Variants in EGFL7 observed in about 807,000 individuals in gnomAD.
EGFL7 encodes the protein epidermal growth factor-like protein 7.
EGFL7 carries 48 observed loss-of-function variants against 37.1 expected under a neutral mutation model. The observed-to-expected ratio is 1.29, with a 90% confidence interval of 1.03 to 1.65. The LOEUF is 1.65. Ranked by LOEUF, EGFL7 falls within the 40% of genes most tolerant of loss-of-function variation. The probability of loss-of-function intolerance (pLI) is 0.00; values close to 1 mark genes in which losing one functional copy is unlikely to be tolerated. For missense variants in EGFL7, 384 were observed against 378.9 expected, an observed-to-expected ratio of 1.01 and a Z score of -0.11; for synonymous variants, 180 against 156.8, an observed-to-expected ratio of 1.15 and a Z score of -1.10.
At position 136,668,315 on chromosome 9, in the gene EGFL7, G is replaced by A; in HGVS notation, c.33G>A (p.Trp11Ter). Residue 11 changes from tryptophan to a stop codon, truncating the protein, a stop_gained, in exon 4 of 11, where the codon TGG becomes TGA. Coordinates refer to ENST00000308874, the MANE Select transcript of EGFL7 (RefSeq NM_016215.5). LOFTEE classifies it high-confidence loss of function. MRGSQEVLLM[W>*]LLVLAVGGTE... ...GCTCTCAGGAGGTGCTGCTGATGTG[G>A]CTTCTGGTGTTGGCAGTGGGCGGCA... 6.2e-7 allele frequency: 1 copy of A among 1,608,392 alleles called. No individual in the cohort carries two copies.
rs199868167 is a variant in EGFL7, at chr9:136,672,246, C to T, written c.800-18C>T. 83 of 1,613,282 alleles carry T rather than the reference C, an allele frequency of 5.1e-5. No homozygotes were observed. Among genetic ancestry groups the T allele is most frequent in the African/African-American group, 2.3e-4 (17 of 74,918 alleles). On this transcript the variant is annotated intron_variant, in intron 10 of 10. Transcript: ENST00000308874. Reference sequence around the variant, plus strand: ...GTGGGGAGCAGTGATCTCTGACCTTCGCCTCATCCAACCCTAGGCTCCTGC... The same window carrying T: ...GTGGGGAGCAGTGATCTCTGACCTTTGCCTCATCCAACCCTAGGCTCCTGC...
In EGFL7 at chr9:136,670,242, C is replaced by T. The variant is rs1468997859; in HGVS notation, c.483C>T (p.Cys161=). Residue 161 remains cysteine (C), a synonymous_variant, in exon 8 of 11, where the codon TGC becomes TGT. Coordinates refer to ENST00000308874, the MANE Select transcript of EGFL7 (RefSeq NM_016215.5). ...TCAACACCGCCGGCAGTTACTGGTG[C>T]CAGTGTTGGGAGGGGCACAGCCTGT... ...RCVNTAGSYW[C]QCWEGHSLSA... is the part of the protein sequence containing the mutation. 1.2e-6 allele frequency: 2 copies of T among 1,612,434 alleles called. No homozygotes were observed. The highest frequency in any genetic ancestry group is 2.2e-5 in the East Asian group (1 of 44,888).
upstream of EGFL7, among the ~76,000 whole-genome samples, chr9:136,660,590 C>T (rs906263968): frequency 9.2e-5 from 14 of 152,202 alleles, no homozygotes; most frequent in South Asian, 2.1e-4. Flanking sequence ...CTGGGGAGGA[C>T]GCAGACTCTG....
At position 136,669,728 on chromosome 9, in the gene EGFL7, G is replaced by C; in HGVS notation, c.313+7G>C. ...CCTGGGGCCTGTGGAGCAGGTGAGG[G>C]CTATGTCCCTCGGCGCCCGGTGTTA... On this transcript the variant is annotated splice_region_variant and intron_variant, in intron 6 of 10. Transcript: ENST00000308874. 6.4e-7 allele frequency: 1 copy of C among 1,574,768 alleles called. No homozygotes were observed. The highest frequency in any genetic ancestry group is 8.6e-7 in the Non-Finnish European group (1 of 1,158,408).
rs368893982 is a variant in EGFL7 at position 136,670,946 on chromosome 9, G to T, written c.572-4G>T. ...CGTGACCCAGCGCCTGGCTCTGCCCGCAGGAGTGGACAGTGCAATGAAGGA... is the reference window on the plus strand; with the variant it reads ...CGTGACCCAGCGCCTGGCTCTGCCCTCAGGAGTGGACAGTGCAATGAAGGA... On this transcript the variant is annotated splice_polypyrimidine_tract_variant and splice_region_variant and intron_variant, in intron 8 of 10. Transcript: ENST00000308874. 2.6e-6 allele frequency: 4 copies of T among 1,509,932 alleles called. No homozygotes were observed. In the African/African-American group the frequency reaches 5.7e-5, roughly 22 times the overall value. The allele number at this position is 1,509,932 out of a possible 1,614,324, so 93.5% of individuals were successfully genotyped here. A position where few individuals can be genotyped will look rare whatever the true frequency, so the allele number is the denominator to read the frequency against.
At chr9:136,665,199 G>A (rs1317697524) in intron 3 of EGFL7, among the ~76,000 whole-genome samples, 1 of 152,142 alleles carries the variant, frequency 6.6e-6, no homozygotes, top group East Asian at 1.9e-4. Context: ...GGGGGCCGGC[G>A]CAGGGGCCCC....
chr9:136,664,037 G>A (rs775506211), intron 2 of EGFL7, among the ~76,000 whole-genome samples: 3 of 151,766 alleles, frequency 2.0e-5, no homozygotes, highest in African/African-American at 4.8e-5. Context: ...GGAGGGTGGC[G>A]GTGGCTCTCC....
rs148083638 is a variant in EGFL7 at position 136,670,003 on chromosome 9, C to G, written c.403C>G (p.Gln135Glu). ...CPAGWRGDTCQSDVDECSARR... is the reference protein window; with the variant it reads ...CPAGWRGDTCESDVDECSARR... ...TGCAGGATGGCGGGGTGACACTTGC[C>G]AGTCAGGTGAGGCTGGCTCTACCCT... The change falls in exon 7 of 11, where the codon CAG becomes GAG. Residue 135 changes from glutamine to glutamate, a missense_variant. Gln to Glu is a conservative substitution (Grantham distance 29). Coordinates refer to ENST00000308874, the MANE Select transcript of EGFL7 (RefSeq NM_016215.5). 1.8e-4 allele frequency: 294 copies of G among 1,596,748 alleles called. No individual in the cohort carries two copies. The African/African-American group carries it at 3.5e-3, about 19-fold the overall frequency.
rs1192946505 is a variant in EGFL7 at position 136,671,280 on chromosome 9, G to A, written c.636+266G>A. ...ACCTGCTGGAGGAGATGAGGCGTCGGGGGGGGAGGCAGGCAGTCCAGGGTG... is the reference window on the plus strand; with the variant it reads ...ACCTGCTGGAGGAGATGAGGCGTCGAGGGGGGAGGCAGGCAGTCCAGGGTG... On this transcript the variant is annotated intron_variant, in intron 9 of 10. Coordinates refer to ENST00000308874, the MANE Select transcript of EGFL7 (RefSeq NM_016215.5). Among the ~76,000 whole-genome samples, 5 of 119,740 alleles carry A rather than the reference G, an allele frequency of 4.2e-5. 1 individual carries two copies. Among genetic ancestry groups the A allele is most frequent in the East Asian group, 5.2e-4 (2 of 3,882 alleles). The allele number at this position is 119,740 out of a possible 152,430, so 78.6% of individuals were successfully genotyped here.
At position 136,666,491 on chromosome 9, in the gene EGFL7, C is replaced by G. The variant is rs1044491558; in HGVS notation, c.-43+1706C>G. ...CACCCCTGGGTCGAGGCCGTGGCCC[C>G]CCCCGGGGAAATGGGGCTTGCAGCA... On this transcript the variant is annotated intron_variant, in intron 3 of 10. Coordinates refer to ENST00000308874, the MANE Select transcript of EGFL7 (RefSeq NM_016215.5). The surrounding 1 kb of genome is among the most constrained non-coding windows in gnomAD (Gnocchi z 6.8). Among the ~76,000 whole-genome samples the G allele has an allele frequency of 6.6e-6, 1 of 152,172 alleles. No homozygotes were observed. Among genetic ancestry groups the G allele is most frequent in the Non-Finnish European group, 1.5e-5 (1 of 68,008 alleles).
At chr9:136,660,767 A>G (rs1845096449), upstream of EGFL7, among the ~76,000 whole-genome samples, 1 of 152,144 alleles carries the variant, frequency 6.6e-6, no homozygotes, top group Non-Finnish European at 1.5e-5. Flanking sequence ...GACATAGGAC[A>G]AGCTGGGGTG....
intron 9 of EGFL7, among the ~76,000 whole-genome samples, chr9:136,671,674 G>GGTCCAGCT (rs1845914118): frequency 6.6e-6 from 1 of 151,966 alleles, no homozygotes; most frequent in African/African-American, 2.4e-5. Flanking sequence ...ACTGGCCAGT[G>GGTCCAGCT]GTCCAGCTGT....
intron 9 of EGFL7, 118 bp from the exon 10 acceptor site, chr9:136,671,808 C>G: frequency 7.5e-7 from 1 of 1,339,424 alleles, no homozygotes; most frequent in Non-Finnish European, 9.8e-7. Flanking sequence ...ACTTGGAGCC[C>G]TGCCGCGGAG....
rs1043114368 is a variant in EGFL7, at chr9:136,668,228, C to T, written c.-42-13C>T. 42 of 1,505,952 alleles carry T rather than the reference C, an allele frequency of 2.8e-5. No homozygotes were observed. The African/African-American group carries it at 4.0e-4, about 14-fold the overall frequency. 93.3% of individuals were successfully genotyped at this position (1,505,952 alleles called of 1,614,324 possible). A position where few individuals can be genotyped will look rare whatever the true frequency, so the allele number is the denominator to read the frequency against. On this transcript the variant is annotated splice_polypyrimidine_tract_variant and intron_variant, in intron 3 of 10. Transcript: ENST00000308874. ...TCTGCGGGGAGACTTAGGGGTCATGCTTTGTGCCCCAGGCCACCCAGAGGA... is the reference window on the plus strand; with the variant it reads ...TCTGCGGGGAGACTTAGGGGTCATGTTTTGTGCCCCAGGCCACCCAGAGGA...
In EGFL7 at chr9:136,668,582, C is replaced by T. The variant is rs764175431; in HGVS notation, c.106C>T (p.His36Tyr). 2.5e-5 allele frequency: 41 copies of T among 1,609,024 alleles called. No homozygotes were observed. Among genetic ancestry groups the T allele is most frequent in the African/African-American group, 2.7e-5 (2 of 74,878 alleles). ...CCGTAGGGTGTGTGCTGTCCGGGCT[C>T]ACGGGGACCCTGTCTCCGAGTCGTT... ...PGRRVCAVRAHGDPVSESFVQ... is the reference protein window; with the variant it reads ...PGRRVCAVRAYGDPVSESFVQ... Residue 36 changes from histidine (H) to tyrosine (Y), a missense_variant, in exon 5 of 11, where the codon CAC (histidine) becomes TAC (tyrosine). Physicochemically the swap from His to Tyr is moderately conservative, Grantham distance 83. Transcript: ENST00000308874.
intron 7 of EGFL7, 57 bp from the exon 8 acceptor site, chr9:136,670,112 C>G (rs1002950372): frequency 2.5e-6 from 4 of 1,609,258 alleles, no homozygotes; most frequent in East Asian, 2.2e-5. Context: ...GTGAAGGGAG[C>G]TGTGTGGGCA....
At position 136,670,917 on chromosome 9, in the gene EGFL7, C is replaced by T. The variant is rs772047469; in HGVS notation, c.572-33C>T. The T allele has an allele frequency of 4.7e-5, 72 of 1,541,262 alleles. No individual in the cohort carries two copies. In the Middle Eastern group the frequency reaches 8.4e-4, roughly 18 times the overall value. On this transcript the variant is annotated intron_variant, in intron 8 of 10. Coordinates refer to ENST00000308874, the MANE Select transcript of EGFL7 (RefSeq NM_016215.5). ...CTGGGGGTGTGGGTGGGGAGCCGGC[C>T]GGCCGTGACCCAGCGCCTGGCTCTG...
At chr9:136,660,917 G>A (rs1845106852), upstream of EGFL7, among the ~76,000 whole-genome samples, 1 of 152,326 alleles carries the variant, frequency 6.6e-6, no homozygotes, top group East Asian at 1.9e-4. Context: ...TCTGTACACA[G>A]AAAGGGCTGG....
At chr9:136,672,240 G>A in intron 10 of EGFL7, 24 bp from the exon 11 acceptor site, 1 of 1,613,378 alleles carries the variant, frequency 6.2e-7, no homozygotes, top group Non-Finnish European at 8.5e-7. Flanking sequence ...AGTGATCTCT[G>A]ACCTTCGCCT....
Sources: allele counts gnomAD v4.1 joint callset (sites outside exome capture counted in the v4.1 genomes callset), GRCh38; gene constraint gnomAD v4.1.1; non-coding constraint Gnocchi (gnomAD v3.1); transcripts MANE v1.5; gene names NCBI Gene and HGNC (gene_info 2026-07-23, HGNC 2026-07-21).